CDH6: variants seen among roughly 807,000 people sequenced by gnomAD.
The protein encoded by CDH6 is cadherin 6, also known as cadherin-6.
Under a neutral mutation model 78.0 loss-of-function variants are expected in CDH6, and 31 were observed. The observed-to-expected ratio is 0.40, with a 90% CI of 0.30 to 0.54. CDH6 has a LOEUF of 0.54. Among genes scored for constraint, CDH6 ranks in the 20% least tolerant of loss-of-function variants. The probability of loss-of-function intolerance (pLI) is 0.56; values close to 1 mark genes in which losing one functional copy is unlikely to be tolerated. For missense variants in CDH6, 724 were observed against 975.9 expected (o/e 0.74, Z 3.44); for synonymous variants, 376 against 368.8 (o/e 1.02, Z -0.23).
intron 6 of CDH6, among the ~76,000 whole-genome samples, chr5:31,302,784 GAGAGAGAGAGAGAGAGAA>G (rs1156927856): frequency 2.4e-4 from 13 of 54,408 alleles, no homozygotes; most frequent in African/African-American, 9.7e-4. Flanking sequence ...AAGAAAGAGA[GAGAGAGAGAGAGAGAGAA>G]AGAAAGAAAG....
intron 2 of CDH6, among the ~76,000 whole-genome samples, chr5:31,272,925 A>G (rs1742570029): frequency 6.6e-6 from 1 of 152,194 alleles, no homozygotes; most frequent in African/African-American, 2.4e-5. Flanking sequence ...TAAAAACATT[A>G]TGAAAATGTG....
Position 31,326,713 on chromosome 5 carries a change from A to G in CDH6, c.*3405A>G, listed in dbSNP as rs1172941503. 1.8e-4 allele frequency: 20 copies of G among 112,872 alleles called. No individual in the cohort carries two copies. The highest frequency in any genetic ancestry group is 2.8e-4 in the African/African-American group (7 of 25,364). 7.0% of individuals were successfully genotyped at this position (112,872 alleles called of 1,614,324 possible). The stretch of plus-strand genomic sequence containing the variant: ...TTTTTTTTTTTTTTTTTTTTTTGAG[A>G]CAGAATCTCGCTCTGTCGCCCAGGC... On this transcript the variant is annotated 3_prime_UTR_variant, in exon 12 of 12. Transcript: ENST00000265071.
chr5:31,230,675 T>TGATTTAGAAACCATC (rs1468881643), intron 1 of CDH6, among the ~76,000 whole-genome samples: 8 of 152,140 alleles, frequency 5.3e-5, no homozygotes, highest in Non-Finnish European at 1.5e-5. Context: ...AACTAACCTA[T>TGATTTAGAAACCATC]GATTTAGAAA....
chr5:31,250,537 C>T (rs1741881528), intron 1 of CDH6: 1 of 152,904 alleles, frequency 6.5e-6, no homozygotes, highest in African/African-American at 2.4e-5. Context: ...TTCCAGCCCC[C>T]ACACCAAGGA....
chr5:31,270,031 T>A (rs900392934), intron 2 of CDH6, among the ~76,000 whole-genome samples: 2 of 152,168 alleles, frequency 1.3e-5, no homozygotes, highest in African/African-American at 4.8e-5. Flanking sequence ...ATGAAACAAT[T>A]AGACTAGTAT....
intron 7 of CDH6, 100 bp from the exon 8 acceptor site, chr5:31,313,218 C>T (rs2149957677): frequency 3.8e-6 from 4 of 1,058,266 alleles, no homozygotes; most frequent in Non-Finnish European, 5.5e-6. Flanking sequence ...GCCACAGATA[C>T]TCTGGGATAT....
At chr5:31,202,664 T>C (rs200202975) in intron 1 of CDH6, among the ~76,000 whole-genome samples, 111 of 53,682 alleles carry the variant, frequency 2.1e-3, no homozygotes, top group Non-Finnish European at 2.5e-3. Context: ...TACACACACA[T>C]ATATATATAT....
At chr5:31,281,004 C>T (rs1247475075) in intron 2 of CDH6, among the ~76,000 whole-genome samples, 1 of 151,792 alleles carries the variant, frequency 6.6e-6, no homozygotes, top group African/African-American at 2.4e-5. Flanking sequence ...ATTCAATTTA[C>T]TCATCATTTA....
chr5:31,237,023 T>C (rs1041008698), intron 1 of CDH6, among the ~76,000 whole-genome samples: 1 of 152,208 alleles, frequency 6.6e-6, no homozygotes, highest in Non-Finnish European at 1.5e-5. Flanking sequence ...GCCATATTTT[T>C]GAACATGCAG....
rs1221032564 is a variant in CDH6 at position 31,294,058 on chromosome 5, G to A, written c.325G>A (p.Asp109Asn). 4 of 1,613,550 alleles carry A rather than the reference G, an allele frequency of 2.5e-6. No homozygotes were observed. Among genetic ancestry groups the A allele is most frequent in the East Asian group, 2.2e-5 (1 of 44,836 alleles). Residue 109 changes from aspartate to asparagine, a missense_variant, in exon 3 of 12, where the codon GAC becomes AAC. Physicochemically the swap from Asp to Asn is conservative, Grantham distance 23. Coordinates refer to ENST00000265071, the MANE Select transcript of CDH6 (RefSeq NM_004932.4). This position sits in a 1 kb window ranked among gnomAD's most constrained non-coding sequence, Gnocchi z 4.1. Reference sequence around the variant, plus strand: ...CTTCATTATTAATGAAAACACAGGCGACATACAGGCCACCAAGAGGCTGGA... The same window carrying A: ...CTTCATTATTAATGAAAACACAGGCAACATACAGGCCACCAAGAGGCTGGA... Reference protein sequence around the residue: ...DLFIINENTGDIQATKRLDRE... With the variant: ...DLFIINENTGNIQATKRLDRE...
rs1462509051 is a variant in CDH6, at chr5:31,302,185, G to C, written c.886G>C (p.Asp296His). ...TGGCAGAATCAAAGCCAGCGACGCTGATGTGGGAGAAAATGCTGAAATTGA... is the reference window on the plus strand; with the variant it reads ...TGGCAGAATCAAAGCCAGCGACGCTCATGTGGGAGAAAATGCTGAAATTGA... ...PIGRIKASDA[D>H]VGENAEIEYS... Residue 296 changes from aspartate to histidine, a missense_variant, in exon 6 of 12, where the codon GAT (aspartate) becomes CAT (histidine). Asp to His is a moderately conservative substitution (Grantham distance 81). Around this residue, in one of 3 missense-constraint regions of CDH6, gnomAD observed 446 missense variants for 684.5 expected, o/e 0.65. Transcript: ENST00000265071. 1.2e-6 allele frequency: 2 copies of C among 1,614,088 alleles called. No individual in the cohort carries two copies. Among genetic ancestry groups the C allele is most frequent in the Non-Finnish European group, 1.7e-6 (2 of 1,179,948 alleles).
Position 31,296,779 on chromosome 5 carries a change from A to G in CDH6, c.524-510A>G, listed in dbSNP as rs533765553. Among the ~76,000 whole-genome samples, 988 of 137,456 alleles carry G rather than the reference A, an allele frequency of 7.2e-3. 7 individuals carry two copies. The highest frequency in any genetic ancestry group is 0.014 in the Non-Finnish European group (807 of 59,654). The allele number at this position is 137,456 out of a possible 152,430, so 90.2% of individuals were successfully genotyped here. On this transcript the variant is annotated intron_variant, in intron 3 of 11. Coordinates refer to ENST00000265071, the MANE Select transcript of CDH6 (RefSeq NM_004932.4). ...TCTAGCTGTTTTTCTGTGATTTTCT[A>G]TTCTATCCAGCTTTGTCCTCAGGCT...
intron 1 of CDH6, among the ~76,000 whole-genome samples, chr5:31,230,074 G>A (rs72749655): frequency 0.08 from 12,199 of 152,184 alleles, 608 homozygotes; most frequent in South Asian, 0.24. Context: ...CAGTGATTCC[G>A]CTCCTTGCAG....
At chr5:31,199,230 C>A (rs1740252893) in intron 1 of CDH6, among the ~76,000 whole-genome samples, 1 of 150,952 alleles carries the variant, frequency 6.6e-6, no homozygotes, top group Non-Finnish European at 1.5e-5. Context: ...CACACACATA[C>A]ACACACACAC....
intron 7 of CDH6, among the ~76,000 whole-genome samples, chr5:31,309,799 C>T (rs1428985420): frequency 6.6e-6 from 1 of 152,170 alleles, no homozygotes; most frequent in Admixed American, 6.5e-5. Flanking sequence ...GGGGAAAGTG[C>T]CACACACTTT....
At position 31,213,270 on chromosome 5, in the gene CDH6, C is replaced by T. The variant is rs1253872032; in HGVS notation, c.-129+19384C>T. On this transcript the variant is annotated intron_variant, in intron 1 of 11. Coordinates refer to ENST00000265071, the MANE Select transcript of CDH6 (RefSeq NM_004932.4). ...GCAATCCACCCATCAGAAAATCTCC[C>T]AAGCAGCACAAGTTGCAGATATTCA... 9.2e-5 allele frequency among the ~76,000 whole-genome samples: 14 copies of T among 152,290 alleles called. No homozygotes were observed. In the East Asian group the frequency reaches 2.7e-3, roughly 29 times the overall value.
At chr5:31,261,381 C>A (rs1742207760) in intron 1 of CDH6, among the ~76,000 whole-genome samples, 1 of 152,098 alleles carries the variant, frequency 6.6e-6, no homozygotes, top group African/African-American at 2.4e-5. Context: ...ATTTATGATA[C>A]TTATGCTAAA....
chr5:31,298,929 T>C (rs897028788), intron 4 of CDH6, among the ~76,000 whole-genome samples: 1 of 152,150 alleles, frequency 6.6e-6, no homozygotes, highest in African/African-American at 2.4e-5. Flanking sequence ...CTAAAGACCA[T>C]AGTTTTACAA....
chr5:31,227,195 T>C (rs187577249), intron 1 of CDH6, among the ~76,000 whole-genome samples: 1 of 152,236 alleles, frequency 6.6e-6, no homozygotes, highest in African/African-American at 2.4e-5. Context: ...GAAACTAAGT[T>C]GGGCGAGAGA....
Sources: allele counts gnomAD v4.1 joint callset (sites outside exome capture counted in the v4.1 genomes callset), GRCh38; gene constraint gnomAD v4.1.1; regional missense constraint gnomAD v4.1.1; non-coding constraint Gnocchi (gnomAD v3.1); transcripts MANE v1.5; gene names NCBI Gene and HGNC (gene_info 2026-07-23, HGNC 2026-07-21).